NAA25: variants seen among roughly 807,000 people sequenced by gnomAD.
NAA25 encodes N-terminal acetyltransferase B complex subunit NAA25.
In NAA25, 30 loss-of-function variants were observed where a neutral mutation model predicts 132.5. That is an observed-to-expected ratio of 0.23 (90% confidence interval 0.17 to 0.31). The LOEUF (loss-of-function observed/expected upper bound fraction) is 0.31. Ranked by LOEUF, NAA25 falls within the 10% of genes least tolerant of loss-of-function variation. The pLI, the probability that NAA25 is intolerant of heterozygous loss-of-function variation, is 1.00. For synonymous variants in NAA25, 359 were observed against 401.9 expected (o/e 0.89, Z 1.28); for missense variants, 771 against 1,150.4 (o/e 0.67, Z 4.77).
intron 13 of NAA25, among the ~76,000 whole-genome samples, chr12:112,054,792 C>T (rs1455696923): frequency 2.0e-5 from 3 of 152,062 alleles, no homozygotes; most frequent in African/African-American, 4.8e-5. Flanking sequence ...ACAGCAAAAA[C>T]GATGCAGATT....
intron 13 of NAA25, among the ~76,000 whole-genome samples, chr12:112,056,688 G>C (rs2062464338): frequency 6.6e-6 from 1 of 152,160 alleles, no homozygotes; most frequent in South Asian, 2.1e-4. Flanking sequence ...GGTGCACCTT[G>C]AACAATGATT....
At chr12:112,033,777 CAAAT>C (rs2078184034) in intron 22 of NAA25, 1 of 151,616 alleles carries the variant, frequency 6.6e-6, no homozygotes, top group Non-Finnish European at 1.5e-5. Flanking sequence ...AGTTAAAAGA[CAAAT>C]AACAAACTGA....
intron 20 of NAA25, 51 bp downstream of exon 20, chr12:112,041,988 A>G (rs374098684): frequency 6.3e-5 from 70 of 1,109,260 alleles, no homozygotes; most frequent in Non-Finnish European, 8.4e-5. Context: ...CTTCGAAGCT[A>G]TTGCCATACA....
chr12:112,104,006 G>A (rs1350337956), intron 1 of NAA25, among the ~76,000 whole-genome samples: 3 of 152,058 alleles, frequency 2.0e-5, no homozygotes, highest in Non-Finnish European at 4.4e-5. Flanking sequence ...ACAGGCCACA[G>A]ACCAGTATCA....
At chr12:112,060,132 C>G (rs986412712) in intron 13 of NAA25, 138 bp downstream of exon 13, 3 of 634,266 alleles carry the variant, frequency 4.7e-6, no homozygotes, top group Non-Finnish European at 8.2e-6. Context: ...CTGGAAGCAC[C>G]CTAGAAATAT....
At chr12:112,048,142 CAT>C (rs1448302829) in intron 16 of NAA25, 148 bp downstream of exon 16, 2 of 723,498 alleles carry the variant, frequency 2.8e-6, no homozygotes, top group Admixed American at 2.9e-5. Context: ...TTCCCCATGA[CAT>C]GTGCCAAGTT....
intron 2 of NAA25, 94 bp downstream of exon 2, chr12:112,092,957 T>G: frequency 9.5e-6 from 8 of 840,076 alleles, no homozygotes; most frequent in African/African-American, 1.7e-5. Flanking sequence ...ATTACAGGCT[T>G]GAGCCACCAT....
At chr12:112,065,202 A>G (rs1388654493) in intron 11 of NAA25, among the ~76,000 whole-genome samples, 4 of 151,162 alleles carry the variant, frequency 2.6e-5, no homozygotes, top group Non-Finnish European at 5.9e-5. Flanking sequence ...CACTACTAAA[A>G]ATACAAAAAT....
rs2078433191 is a variant in NAA25 at position 112,049,592 on chromosome 12, G to A, written c.1729-1149C>T. 2 of 985,766 alleles carry A rather than the reference G, an allele frequency of 2.0e-6. No homozygotes were observed. Among genetic ancestry groups the A allele is most frequent in the Non-Finnish European group, 2.4e-6 (2 of 829,952 alleles). 61.1% of individuals were successfully genotyped at this position (985,766 alleles called of 1,614,324 possible). ...TTAAACCCCCATGGGACACCTCGGCGAGCTGTTTGCCTGCAGTATCTGGAG... is the reference window on the plus strand; with the variant it reads ...TTAAACCCCCATGGGACACCTCGGCAAGCTGTTTGCCTGCAGTATCTGGAG... On this transcript the variant is annotated intron_variant, in intron 15 of 23. Transcript: ENST00000261745. The surrounding 1 kb of genome is among the most constrained non-coding windows in gnomAD (Gnocchi z 4.7).
chr12:112,104,392 A>G (rs1207910774), intron 1 of NAA25, among the ~76,000 whole-genome samples: 1 of 152,168 alleles, frequency 6.6e-6, no homozygotes, highest in Non-Finnish European at 1.5e-5. Flanking sequence ...TGAGCGTGAA[A>G]TTAAAAACAA....
rs1441311240 is a variant in NAA25, at chr12:112,028,154, G to A, written c.*1377C>T. 1 of 152,178 alleles carries A rather than the reference G, an allele frequency of 6.6e-6. No homozygotes were observed. Among genetic ancestry groups the A allele is most frequent in the Non-Finnish European group, 1.5e-5 (1 of 68,034 alleles). The allele number at this position is 152,178 out of a possible 1,614,324, so 9.4% of individuals were successfully genotyped here. The stretch of plus-strand genomic sequence containing the variant: ...AAAGAAAAAAGTACCACATTTCACT[G>A]GAGCAGTGCAGGTTGGAAAGCACCT... On this transcript the variant is annotated 3_prime_UTR_variant, in exon 24 of 24. Transcript: ENST00000261745.
At chr12:112,056,986 A>C (rs1006120253) in intron 13 of NAA25, among the ~76,000 whole-genome samples, 6 of 151,852 alleles carry the variant, frequency 4.0e-5, no homozygotes, top group Non-Finnish European at 7.4e-5. Flanking sequence ...TCAGGAGTTC[A>C]AGACCAACCT....
Position 112,080,057 on chromosome 12 carries a change from G to A in NAA25, c.477+1003C>T, listed in dbSNP as rs545184370. On this transcript the variant is annotated intron_variant, in intron 5 of 23. Transcript: ENST00000261745. ...GCACATTGGGAGGCCGAGGCGGGCG[G>A]ATCACGAGGTCAGGAGATCGAGACC... 1.6e-4 allele frequency among the ~76,000 whole-genome samples: 25 copies of A among 151,992 alleles called. No individual in the cohort carries two copies. The South Asian group carries it at 5.0e-3, about 30-fold the overall frequency.
At chr12:112,032,904 G>A (rs2078168346) in intron 23 of NAA25, among the ~76,000 whole-genome samples, 1 of 152,194 alleles carries the variant, frequency 6.6e-6, no homozygotes, top group Non-Finnish European at 1.5e-5. Flanking sequence ...TAACTCAGCA[G>A]CAGGTAAATT....
Position 112,027,111 on chromosome 12 carries a change from A to AT in NAA25, c.*2419dup, listed in dbSNP as rs1053330647. ...GATCTCAGTAGTATAAAAAGCAATA[A>AT]TTTTTCAGTCTGTAAACAGTAGTCG... On this transcript the variant is annotated 3_prime_UTR_variant, in exon 24 of 24. Transcript: ENST00000261745. 2.0e-5 allele frequency: 3 copies of AT among 152,394 alleles called. No individual in the cohort carries two copies. Among genetic ancestry groups the AT allele is most frequent in the African/African-American group, 7.3e-5 (3 of 41,368 alleles). 9.4% of individuals were successfully genotyped at this position (152,394 alleles called of 1,614,324 possible).
At chr12:112,060,241 A>G (rs1182516580) in intron 13 of NAA25, 29 bp downstream of exon 13, 1 of 1,492,242 alleles carries the variant, frequency 6.7e-7, no homozygotes, top group African/African-American at 1.4e-5. Flanking sequence ...AGCAAAAAGT[A>G]AAGTTGAACT....
intron 2 of NAA25, among the ~76,000 whole-genome samples, chr12:112,092,659 A>T (rs1162113465): frequency 2.0e-5 from 3 of 151,174 alleles, no homozygotes; most frequent in Non-Finnish European, 4.4e-5. Flanking sequence ...CACTAAAGAG[A>T]TTTAACATCC....
intron 17 of NAA25, among the ~76,000 whole-genome samples, chr12:112,044,675 A>G (rs2078351943): frequency 6.8e-6 from 1 of 146,616 alleles, no homozygotes; most frequent in Admixed American, 6.7e-5. Context: ...ATCTCAAAAC[A>G]AAACAAAACA....
At chr12:112,095,843 G>T (rs997408268) in intron 1 of NAA25, among the ~76,000 whole-genome samples, 5 of 152,242 alleles carry the variant, frequency 3.3e-5, no homozygotes, top group African/African-American at 1.2e-4. Flanking sequence ...GGATGGATAG[G>T]TGGAGCACAG....
Sources: allele counts gnomAD v4.1 joint callset (sites outside exome capture counted in the v4.1 genomes callset), GRCh38; gene constraint gnomAD v4.1.1; non-coding constraint Gnocchi (gnomAD v3.1); transcripts MANE v1.5; gene names NCBI Gene and HGNC (gene_info 2026-07-23, HGNC 2026-07-21).